IFIT3: variants seen among roughly 807,000 people sequenced by gnomAD.
IFIT3 encodes interferon induced protein with tetratricopeptide repeats 3.
A neutral mutation model predicts 2.4 loss-of-function variants in IFIT3; 2 were observed. The observed-to-expected ratio is 0.82, with a 90% CI of 0.34 to 2.60. The LOEUF (loss-of-function observed/expected upper bound fraction) is 2.60, where lower values mean the gene tolerates loss of function less well. Among genes scored for constraint, IFIT3 ranks in the 30% most tolerant of loss-of-function variants. IFIT3 has a pLI of 0.11. For synonymous variants in IFIT3, 203 were observed against 212.1 expected (o/e 0.96, Z 0.37); for missense variants, 481 against 562.4 (o/e 0.86, Z 1.46).
intron 1 of IFIT3, chr10:89,332,521 C>G (rs73368528): frequency 6.8e-6 from 11 of 1,609,334 alleles, no homozygotes; most frequent in Non-Finnish European, 9.3e-6. Context: ...GACCTAACAG[C>G]ACCCTGGGTG....
intron 1 of IFIT3, among the ~76,000 whole-genome samples, chr10:89,336,896 C>T (rs913291065): frequency 6.6e-6 from 1 of 152,220 alleles, no homozygotes; most frequent in Non-Finnish European, 1.5e-5. Context: ...GAGGGACATA[C>T]AGCCCAAGCC....
In IFIT3 at chr10:89,333,826, T is replaced by C. The variant is rs149475550; in HGVS notation, c.6-4835T>C. Among the ~76,000 whole-genome samples, 5 of 152,314 alleles carry C rather than the reference T, an allele frequency of 3.3e-5. No individual in the cohort carries two copies. The East Asian group carries it at 9.6e-4, about 29-fold the overall frequency. On this transcript the variant is annotated intron_variant, in intron 1 of 1. Coordinates refer to ENST00000371818, the MANE Select transcript of IFIT3 (RefSeq NM_001549.6). ...GAAGCTGAGATCCCCCGGGAGGTTG[T>C]AAGAAAGGTAACATCCCAGCTTATC...
Position 89,339,918 on chromosome 10 carries a change from A to C in IFIT3, c.1263A>C (p.Gln421His), listed in dbSNP as rs1203059244. 2 of 1,614,074 alleles carry C rather than the reference A, an allele frequency of 1.2e-6. No homozygotes were observed. Among genetic ancestry groups the C allele is most frequent in the African/African-American group, 2.7e-5 (2 of 74,956 alleles). The change falls in exon 2 of 2, where the codon CAA (glutamine) becomes CAC (histidine). Residue 421 changes from glutamine to histidine, a missense_variant. By Grantham distance (24) the Gln-to-His change is conservative. Transcript: ENST00000371818. ...ATGCACCAAATTATTGGTATCTTCAAGGATTAATTCATAAGCAGAATGGAG... is the reference window on the plus strand; with the variant it reads ...ATGCACCAAATTATTGGTATCTTCACGGATTAATTCATAAGCAGAATGGAG... ...PQNAPNYWYL[Q>H]GLIHKQNGDL... is the part of the protein sequence containing the mutation.
intron 1 of IFIT3, among the ~76,000 whole-genome samples, chr10:89,329,777 G>GTT (rs1843632095): frequency 6.6e-6 from 1 of 152,168 alleles, no homozygotes; most frequent in Non-Finnish European, 1.5e-5. Flanking sequence ...TTTCATGCAA[G>GTT]TCCGTGTGAA....
rs1443879195 is a variant in IFIT3, at chr10:89,339,150, A to G, written c.495A>G (p.Glu165=). ...AKVCFEKALE[E]KPNNPEFSSG... ...TGTGTTTTGAGAAGGCTCTGGAAGAAAAGCCCAACAACCCAGAATTCTCCT... is the reference window on the plus strand; with the variant it reads ...TGTGTTTTGAGAAGGCTCTGGAAGAGAAGCCCAACAACCCAGAATTCTCCT... Residue 165 remains glutamate, a synonymous_variant, in exon 2 of 2, where the codon GAA becomes GAG. Transcript: ENST00000371818. The G allele has an allele frequency of 6.2e-7, 1 of 1,614,152 alleles. No homozygotes were observed. Among genetic ancestry groups the G allele is most frequent in the Non-Finnish European group, 8.5e-7 (1 of 1,180,002 alleles).
chr10:89,329,013 A>C (rs1374328739), intron 1 of IFIT3, among the ~76,000 whole-genome samples: 2 of 152,184 alleles, frequency 1.3e-5, no homozygotes, highest in Non-Finnish European at 2.9e-5. Flanking sequence ...AATCTCAGTA[A>C]ACTTGATTTT....
chr10:89,338,519 C>A, intron 1 of IFIT3, 142 bp from the exon 2 acceptor site: 2 of 762,966 alleles, frequency 2.6e-6, no homozygotes, highest in East Asian at 2.6e-5. Flanking sequence ...CAGAAACAAC[C>A]TCACATACAT....
chr10:89,334,478 CTTTTTTTTTTTTTTT>C (rs578154457), intron 1 of IFIT3, among the ~76,000 whole-genome samples: 18 of 25,314 alleles, frequency 7.1e-4, no homozygotes, highest in South Asian at 1.4e-3. Context: ...TTCTTTTATT[CTTTTTTTTTTTTTTT>C]TTTTTTTTTT....
chr10:89,328,022 A>C lies in IFIT3; in HGVS notation c.-52A>C, dbSNP rs1589602314. 2 of 1,611,956 alleles carry C rather than the reference A, an allele frequency of 1.2e-6. No individual in the cohort carries two copies. The highest frequency in any genetic ancestry group is 2.7e-5 in the African/African-American group (2 of 74,888). ...GCAGACAGGAAGACTTCTGAAGAAC[A>C]AATCAGCCTGGTCACCAGCTTTTCG... On this transcript the variant is annotated 5_prime_UTR_variant, in exon 1 of 2. Coordinates refer to ENST00000371818, the MANE Select transcript of IFIT3 (RefSeq NM_001549.6).
chr10:89,332,741 A>G (rs1843669128), intron 1 of IFIT3: 1 of 1,120,588 alleles, frequency 8.9e-7, no homozygotes, highest in Non-Finnish European at 1.4e-6. Flanking sequence ...TAATTCAAGC[A>G]TAAATCTGCC....
rs1589611625 is a variant in IFIT3 at position 89,338,878 on chromosome 10, C to T, written c.223C>T (p.Arg75Trp). 15 of 1,614,024 alleles carry T rather than the reference C, an allele frequency of 9.3e-6. No homozygotes were observed. Among genetic ancestry groups the T allele is most frequent in the Non-Finnish European group, 1.3e-5 (15 of 1,180,020 alleles). The stretch of plus-strand genomic sequence containing the variant: ...CAACGAGGCAGCCCTGGAATGCTTA[C>T]GGCAAGCTGAAGAGTTAATCCAGCA... ...GNNEAALECL[R>W]QAEELIQQEH... is the part of the protein sequence containing the mutation. Residue 75 changes from arginine to tryptophan, a missense_variant, in exon 2 of 2, where the codon CGG becomes TGG. By Grantham distance (101) the Arg-to-Trp change is moderately radical. Transcript: ENST00000371818.
intron 1 of IFIT3, among the ~76,000 whole-genome samples, chr10:89,330,010 A>G (rs1183741906): frequency 1.3e-5 from 2 of 152,186 alleles, no homozygotes; most frequent in Non-Finnish European, 2.9e-5. Context: ...AGCCAGGATG[A>G]GCCAGGAGAA....
chr10:89,329,771 A>C (rs1843631909), intron 1 of IFIT3, among the ~76,000 whole-genome samples: 1 of 152,208 alleles, frequency 6.6e-6, no homozygotes, highest in South Asian at 2.1e-4. Context: ...TAGTGGTTTC[A>C]TGCAAGTCCG....
chr10:89,339,005 T>C lies in IFIT3; in HGVS notation c.350T>C (p.Val117Ala). The change falls in exon 2 of 2, where the codon GTA becomes GCA. Residue 117 changes from valine (V) to alanine (A), a missense_variant. Transcript: ENST00000371818. ...AGACTCTCAGATGCTCAGATTTATG[T>C]AGATAAGGTGAAACAAACCTGCAAG... ...LGRLSDAQIY[V>A]DKVKQTCKKF... 1 of 1,614,184 alleles carries C rather than the reference T, an allele frequency of 6.2e-7. No homozygotes were observed. The highest frequency in any genetic ancestry group is 1.1e-5 in the South Asian group (1 of 91,086).
chr10:89,328,089 TAAG>T lies in IFIT3; in HGVS notation c.5+14_5+16del, dbSNP rs747236762. ...GAGGGCAGTCATGAGGTCAGTGAAA[TAAG>T]AATGCATAATCATGCTTGTTTTTGA... On this transcript the variant is annotated intron_variant, in intron 1 of 1. Transcript: ENST00000371818. 7.4e-6 allele frequency: 12 copies of T among 1,613,406 alleles called. No individual in the cohort carries two copies. The African/African-American group carries it at 1.5e-4, about 20-fold the overall frequency.
intron 1 of IFIT3, among the ~76,000 whole-genome samples, chr10:89,330,305 G>A (rs988744780): frequency 1.4e-4 from 22 of 152,208 alleles, no homozygotes; most frequent in African/African-American, 5.3e-4. Flanking sequence ...GGGCTTAGAA[G>A]GGCAAATTAC....
Position 89,340,135 on chromosome 10 carries a change from G to A in IFIT3, c.*7G>A. ...CTCAGAGCAACTGAACTGAGACAGA[G>A]GAGGAAAACAGAGCATCAGAAGCCT... is the stretch of plus-strand genomic sequence containing the variant. On this transcript the variant is annotated 3_prime_UTR_variant, in exon 2 of 2. Transcript: ENST00000371818. The A allele has an allele frequency of 6.4e-7, 1 of 1,570,056 alleles. No homozygotes were observed.
intron 1 of IFIT3, among the ~76,000 whole-genome samples, chr10:89,333,741 T>C (rs1843686544): frequency 6.6e-6 from 1 of 152,200 alleles, no homozygotes; most frequent in Admixed American, 6.5e-5. Flanking sequence ...AAACTGGTGA[T>C]TGGAAATCAC....
Position 89,340,164 on chromosome 10 carries a change from G to T in IFIT3, c.*36G>T. On this transcript the variant is annotated 3_prime_UTR_variant, in exon 2 of 2. Coordinates refer to ENST00000371818, the MANE Select transcript of IFIT3 (RefSeq NM_001549.6). The stretch of plus-strand genomic sequence containing the variant: ...GAAAACAGAGCATCAGAAGCCTGCA[G>T]TGGTGGTTGTGACGGGTAGGACGAT... 1 of 1,535,860 alleles carries T rather than the reference G, an allele frequency of 6.5e-7. No individual in the cohort carries two copies. The highest frequency in any genetic ancestry group is 8.7e-7 in the Non-Finnish European group (1 of 1,143,648).
Sources: allele counts gnomAD v4.1 joint callset (sites outside exome capture counted in the v4.1 genomes callset), GRCh38; gene constraint gnomAD v4.1.1; transcripts MANE v1.5; gene names NCBI Gene and HGNC (gene_info 2026-07-23, HGNC 2026-07-21).